The following DYRK2 variants were observed in gnomAD, a reference collection of about 807,000 sequenced individuals.
DYRK2 encodes dual specificity tyrosine phosphorylation regulated kinase 2.
Under a neutral mutation model 41.6 loss-of-function variants are expected in DYRK2, and 12 were observed. The observed-to-expected ratio is 0.29, with a 90% confidence interval of 0.18 to 0.47. The LOEUF is 0.47. DYRK2 is among the 20% of genes least tolerant of loss of function. DYRK2 has a pLI of 1.00. For synonymous variants in DYRK2, 322 were observed against 315.7 expected (o/e 1.02, Z -0.21); for missense variants, 678 against 798.4 (o/e 0.85, Z 1.82).
chr12:67,661,368 GTTGTC>G lies in DYRK2; in HGVS notation c.*2663_*2667del, dbSNP rs757757852. The G allele has an allele frequency of 4.2e-5, 7 of 167,178 alleles. No homozygotes were observed. Among genetic ancestry groups the G allele is most frequent in the East Asian group, 1.9e-4 (1 of 5,194 alleles). The allele number at this position is 167,178 out of a possible 1,614,324, so 10.4% of individuals were successfully genotyped here. On this transcript the variant is annotated 3_prime_UTR_variant, in exon 3 of 3. Transcript: ENST00000344096. ...TTTTCAGATCTAGGAATAGCACAGT[GTTGTC>G]TTGTCTTTGGCAGTCTCATTTGGCT...
Position 67,658,260 on chromosome 12 carries a change from A to C in DYRK2, c.1353A>C (p.Arg451=). 6.2e-7 allele frequency: 1 copy of C among 1,614,178 alleles called. No individual in the cohort carries two copies. Among genetic ancestry groups the C allele is most frequent in the Non-Finnish European group, 8.5e-7 (1 of 1,180,032 alleles). ...PSQKLLDASK[R]AKNFVSSKGY... Reference sequence around the variant, plus strand: ...AGAAACTGCTGGATGCATCCAAACGAGCCAAAAATTTTGTGAGCTCCAAGG... The same window carrying C: ...AGAAACTGCTGGATGCATCCAAACGCGCCAAAAATTTTGTGAGCTCCAAGG... Residue 451 remains arginine, a synonymous_variant, in exon 3 of 3, where the codon CGA becomes CGC. Coordinates refer to ENST00000344096, the MANE Select transcript of DYRK2 (RefSeq NM_006482.3). The surrounding 1 kb of genome is among the most constrained non-coding windows in gnomAD (Gnocchi z 4.3).
At chr12:67,650,099 CTGGTTAAGT>C (rs1872272751) in intron 2 of DYRK2, among the ~76,000 whole-genome samples, 154 bp downstream of exon 2, 1 of 152,246 alleles carries the variant, frequency 6.6e-6, no homozygotes, top group South Asian at 2.1e-4. Context: ...CGACGCCGCC[CTGGTTAAGT>C]TGGGCGAGCC....
chr12:67,650,753 G>C (rs1872299564), intron 2 of DYRK2, among the ~76,000 whole-genome samples: 2 of 152,196 alleles, frequency 1.3e-5, no homozygotes, highest in African/African-American at 4.8e-5. Flanking sequence ...ATCACCCTTG[G>C]ATGGTGATGG....
intron 1 of DYRK2, 112 bp from the exon 2 acceptor site, chr12:67,649,685 C>T (rs1872250055): frequency 1.7e-6 from 2 of 1,177,548 alleles, no homozygotes; most frequent in Non-Finnish European, 1.1e-6. Context: ...CGGTCTCTTC[C>T]TCCGTCTTTC....
Position 67,658,579 on chromosome 12 carries a change from G to C in DYRK2, c.1672G>C (p.Gly558Arg). 2 of 1,614,122 alleles carry C rather than the reference G, an allele frequency of 1.2e-6. No homozygotes were observed. The highest frequency in any genetic ancestry group is 1.7e-6 in the Non-Finnish European group (2 of 1,180,014). The stretch of plus-strand genomic sequence containing the variant: ...AGTGAAAAGGATAACTGAGAGCACC[G>C]GTGCTATCACATCTATATCCAAGTT... ...TSVKRITEST[G>R]AITSISKLPP... The change falls in exon 3 of 3, where the codon GGT becomes CGT. Residue 558 changes from glycine to arginine, a missense_variant. Gly to Arg is a moderately radical substitution (Grantham distance 125). Around this residue, in one of 2 missense-constraint regions of DYRK2, gnomAD observed 393 missense variants for 519.1 expected, o/e 0.76. Transcript: ENST00000344096. The surrounding 1 kb of genome is among the most constrained non-coding windows in gnomAD (Gnocchi z 4.3).
rs1353780064 is a variant in DYRK2 at position 67,663,258 on chromosome 12, C to T, written c.*4545C>T. 3 of 152,016 alleles carry T rather than the reference C, an allele frequency of 2.0e-5. No homozygotes were observed. The highest frequency in any genetic ancestry group is 7.2e-5 in the African/African-American group (3 of 41,390). 9.4% of individuals were successfully genotyped at this position (152,016 alleles called of 1,614,324 possible). A position where few individuals can be genotyped will look rare whatever the true frequency, so the allele number is the denominator to read the frequency against. On this transcript the variant is annotated 3_prime_UTR_variant, in exon 3 of 3. Coordinates refer to ENST00000344096, the MANE Select transcript of DYRK2 (RefSeq NM_006482.3). ...TAAGGCCTAGGAACTGCAATTAGCT[C>T]ATGATTTGTCAAGTTCAGTTAGTAC...
At chr12:67,649,392 G>A (rs1242785781) in intron 1 of DYRK2, among the ~76,000 whole-genome samples, 3 of 151,718 alleles carry the variant, frequency 2.0e-5, no homozygotes, top group African/African-American at 4.8e-5. Context: ...GGCCCGAAGA[G>A]GCTTCTGCCT....
Position 67,658,877 on chromosome 12 carries a change from T to C in DYRK2, c.*164T>C. 3.7e-6 allele frequency: 3 copies of C among 801,998 alleles called. No homozygotes were observed. The highest frequency in any genetic ancestry group is 5.6e-6 in the Non-Finnish European group (3 of 537,858). 49.7% of individuals were successfully genotyped at this position (801,998 alleles called of 1,614,324 possible). A position where few individuals can be genotyped will look rare whatever the true frequency, so the allele number is the denominator to read the frequency against. ...GTAAGAAAGTTGTTCATTTTGTTTT[T>C]ATAAAATACATGAGGACAATGCTTT... On this transcript the variant is annotated 3_prime_UTR_variant, in exon 3 of 3. Transcript: ENST00000344096. The surrounding 1 kb of genome is among the most constrained non-coding windows in gnomAD (Gnocchi z 4.3).
At position 67,663,680 on chromosome 12, in the gene DYRK2, G is replaced by A; in HGVS notation, c.*4967G>A. On this transcript the variant is annotated 3_prime_UTR_variant, in exon 3 of 3. Coordinates refer to ENST00000344096, the MANE Select transcript of DYRK2 (RefSeq NM_006482.3). ...TACAAAATTGAAAATTGGTGCTAAA[G>A]TGGCAATGTCAATTTAAAATTTCTT... 1 of 152,184 alleles carries A rather than the reference G, an allele frequency of 6.6e-6. No homozygotes were observed. The highest frequency in any genetic ancestry group is 1.9e-4 in the East Asian group (1 of 5,202). 9.4% of individuals were successfully genotyped at this position (152,184 alleles called of 1,614,324 possible). A position where few individuals can be genotyped will look rare whatever the true frequency, so the allele number is the denominator to read the frequency against.
At chr12:67,655,752 G>C (rs1355918188) in intron 2 of DYRK2, among the ~76,000 whole-genome samples, 1 of 152,196 alleles carries the variant, frequency 6.6e-6, no homozygotes, top group Non-Finnish European at 1.5e-5. Context: ...GAACGTCTTG[G>C]TCTGCTAGTA....
chr12:67,661,714 AGGTAGTGTTACACAAGGACTTCCTATATT>A lies in DYRK2; in HGVS notation c.*3002_*3030del, dbSNP rs1872628123. On this transcript the variant is annotated 3_prime_UTR_variant, in exon 3 of 3. Transcript: ENST00000344096. ...CAGGCACTGAAAAAAGATAACCATC[AGGTAGTGTTACACAAGGACTTCCTATATT>A]TAAGGGGTTAAAGATGGTCTTTGTT... 1.2e-5 allele frequency: 2 copies of A among 167,082 alleles called. No individual in the cohort carries two copies. The highest frequency in any genetic ancestry group is 2.9e-5 in the Non-Finnish European group (2 of 68,106). 10.3% of individuals were successfully genotyped at this position (167,082 alleles called of 1,614,324 possible).
rs766155721 is a variant in DYRK2 at position 67,658,153 on chromosome 12, C to T, written c.1246C>T (p.Leu416=). Residue 416 remains leucine (L), a synonymous_variant, in exon 3 of 3, where the codon CTG becomes TTG. Coordinates refer to ENST00000344096, the MANE Select transcript of DYRK2 (RefSeq NM_006482.3). The surrounding 1 kb of genome is among the most constrained non-coding windows in gnomAD (Gnocchi z 4.3). ...CCTGGGCTGCATTTTAGCAGAGCTC[C>T]TGACGGGTTACCCCCTCTTGCCTGG... ...WSLGCILAEL[L]TGYPLLPGED... 9 of 1,614,216 alleles carry T rather than the reference C, an allele frequency of 5.6e-6. No individual in the cohort carries two copies. The highest frequency in any genetic ancestry group is 1.6e-4 in the Middle Eastern group (1 of 6,062).
Position 67,657,654 on chromosome 12 carries a change from C to A in DYRK2, c.747C>A (p.Ala249=), listed in dbSNP as rs367844107. ...AYDHKVHQHV[A]LKMVRNEKRF... Reference sequence around the variant, plus strand: ...ATCACAAAGTCCACCAGCACGTGGCCCTAAAGATGGTGCGGAATGAGAAGC... The same window carrying A: ...ATCACAAAGTCCACCAGCACGTGGCACTAAAGATGGTGCGGAATGAGAAGC... The change falls in exon 3 of 3, where the codon GCC becomes GCA. Residue 249 remains alanine (A), a synonymous_variant. Transcript: ENST00000344096. This position sits in a 1 kb window ranked among gnomAD's most constrained non-coding sequence, Gnocchi z 4.8. The A allele has an allele frequency of 1.1e-4, 170 of 1,613,604 alleles. No homozygotes were observed. The highest frequency in any genetic ancestry group is 1.3e-4 in the Non-Finnish European group (153 of 1,179,964).
Position 67,660,825 on chromosome 12 carries a change from T to C in DYRK2, c.*2112T>C, listed in dbSNP as rs1219167372. 1 of 166,874 alleles carries C rather than the reference T, an allele frequency of 6.0e-6. No homozygotes were observed. The highest frequency in any genetic ancestry group is 2.4e-5 in the African/African-American group (1 of 41,438). 10.3% of individuals were successfully genotyped at this position (166,874 alleles called of 1,614,324 possible). ...AGGTCATTAAATCAATAAAAACATA[T>C]AATGCTGTTTTGCTCTTCTAATGCT... On this transcript the variant is annotated 3_prime_UTR_variant, in exon 3 of 3. Coordinates refer to ENST00000344096, the MANE Select transcript of DYRK2 (RefSeq NM_006482.3).
At chr12:67,649,381 C>G (rs1420021837) in intron 1 of DYRK2, among the ~76,000 whole-genome samples, 199 bp downstream of exon 1, 1 of 151,604 alleles carries the variant, frequency 6.6e-6, no homozygotes, top group Non-Finnish European at 1.5e-5. Context: ...GGGGAGCCCT[C>G]GGCCCGAAGA....
Position 67,657,875 on chromosome 12 carries a change from C to A in DYRK2, c.968C>A (p.Pro323His). 1 of 1,614,226 alleles carries A rather than the reference C, an allele frequency of 6.2e-7. No individual in the cohort carries two copies. The highest frequency in any genetic ancestry group is 8.5e-7 in the Non-Finnish European group (1 of 1,180,038). ...KKNKFQGFSL[P>H]LVRKFAHSIL... The stretch of plus-strand genomic sequence containing the variant: ...AATAAATTCCAGGGCTTCAGTCTGC[C>A]TTTGGTTCGCAAGTTTGCCCACTCG... The change falls in exon 3 of 3, where the codon CCT (proline) becomes CAT (histidine). Residue 323 changes from proline (P) to histidine (H), a missense_variant. This residue lies in a region of DYRK2 where 393 missense variants were observed against 519.1 expected (regional missense o/e 0.76). Coordinates refer to ENST00000344096, the MANE Select transcript of DYRK2 (RefSeq NM_006482.3). This position sits in a 1 kb window ranked among gnomAD's most constrained non-coding sequence, Gnocchi z 4.8.
rs552951124 is a variant in DYRK2, at chr12:67,660,425, A to AT, written c.*1713dup. 2.7e-3 allele frequency: 458 copies of AT among 167,140 alleles called. 2 individuals are homozygous for AT. The highest frequency in any genetic ancestry group is 6.5e-3 in the Admixed American group (100 of 15,288). 10.4% of individuals were successfully genotyped at this position (167,140 alleles called of 1,614,324 possible). The stretch of plus-strand genomic sequence containing the variant: ...CTTCGTTGGTTGATGGTGGAAAAAA[A>AT]TGCTCAGGAAATATTTCAGATATTT... On this transcript the variant is annotated 3_prime_UTR_variant, in exon 3 of 3. Transcript: ENST00000344096.
Position 67,649,191 on chromosome 12 carries a change from G to A in DYRK2, c.49+9G>A, listed in dbSNP as rs1872228122. ...CGCCGCCTACCCGACCGGTAAGGAG[G>A]CCGTGCCGCCGCGCCGCATCCCCGG... On this transcript the variant is annotated intron_variant, in intron 1 of 2. Coordinates refer to ENST00000344096, the MANE Select transcript of DYRK2 (RefSeq NM_006482.3). 1.3e-6 allele frequency: 2 copies of A among 1,495,626 alleles called. No homozygotes were observed. Among genetic ancestry groups the A allele is most frequent in the East Asian group, 2.9e-5 (1 of 34,732 alleles). 92.6% of individuals were successfully genotyped at this position (1,495,626 alleles called of 1,614,324 possible). A position where few individuals can be genotyped will look rare whatever the true frequency, so the allele number is the denominator to read the frequency against.
chr12:67,658,723 C>T lies in DYRK2; in HGVS notation c.*10C>T. 1 of 1,586,584 alleles carries T rather than the reference C, an allele frequency of 6.3e-7. No homozygotes were observed. Among genetic ancestry groups the T allele is most frequent in the East Asian group, 2.2e-5 (1 of 44,698 alleles). ...AAAACTTGTTAGCTGAGCTCACGTC[C>T]CCTGATGCTGGTAACCTGAAAGATA... On this transcript the variant is annotated 3_prime_UTR_variant, in exon 3 of 3. Transcript: ENST00000344096. The surrounding 1 kb of genome is among the most constrained non-coding windows in gnomAD (Gnocchi z 4.3).
Sources: allele counts gnomAD v4.1 joint callset (sites outside exome capture counted in the v4.1 genomes callset), GRCh38; gene constraint gnomAD v4.1.1; regional missense constraint gnomAD v4.1.1; non-coding constraint Gnocchi (gnomAD v3.1); transcripts MANE v1.5; gene names NCBI Gene and HGNC (gene_info 2026-07-23, HGNC 2026-07-21).